NAV2: variants seen among roughly 807,000 people sequenced by gnomAD.
NAV2 encodes the protein helicase, APC down-regulated 1.
In NAV2, 54 loss-of-function variants were observed where a neutral mutation model predicts 223.2. That is an observed-to-expected ratio of 0.24 (90% confidence interval 0.19 to 0.30). The LOEUF (loss-of-function observed/expected upper bound fraction) is 0.30, where lower values mean the gene tolerates loss of function less well. Among genes scored for constraint, NAV2 ranks in the 10% least tolerant of loss-of-function variants. The pLI is 1.00. For synonymous variants in NAV2, 1,279 were observed against 1,239.3 expected (o/e 1.03, Z -0.67); for missense variants, 2,806 against 3,147.5 (o/e 0.89, Z 2.60).
chr11:19,398,417 A>C (rs1381286034), intron 1 of NAV2, among the ~76,000 whole-genome samples: 2 of 152,142 alleles, frequency 1.3e-5, no homozygotes, highest in Non-Finnish European at 2.9e-5. Context: ...TTACATTTCA[A>C]CATGAGATTT....
chr11:19,453,557 A>G (rs1343709420), intron 1 of NAV2, among the ~76,000 whole-genome samples: 1 of 152,192 alleles, frequency 6.6e-6, no homozygotes, highest in Non-Finnish European at 1.5e-5. Context: ...TGGAGCCCCC[A>G]TGGGCTGCCT....
intron 3 of NAV2, among the ~76,000 whole-genome samples, chr11:19,855,449 T>C (rs2061361497): frequency 6.6e-6 from 1 of 152,198 alleles, no homozygotes; most frequent in Non-Finnish European, 1.5e-5. Context: ...CCAGTAATGA[T>C]GAAACTTTGA....
intron 36 of NAV2, among the ~76,000 whole-genome samples, chr11:20,110,302 G>A (rs529303345): frequency 2.6e-5 from 4 of 152,282 alleles, no homozygotes; most frequent in East Asian, 1.9e-4. Flanking sequence ...TTGTGACCTC[G>A]CCATCCTGAT....
chr11:19,580,256 G>A (rs952622340), intron 1 of NAV2, among the ~76,000 whole-genome samples: 3 of 152,100 alleles, frequency 2.0e-5, no homozygotes, highest in African/African-American at 2.4e-5. Flanking sequence ...CTAAAAGATT[G>A]TCCTGTAGCC....
chr11:19,644,798 C>T (rs1185580746), intron 1 of NAV2, among the ~76,000 whole-genome samples: 1 of 152,190 alleles, frequency 6.6e-6, no homozygotes, highest in Non-Finnish European at 1.5e-5. Flanking sequence ...GATAGATGGG[C>T]CAGCAGGCCA....
At chr11:19,930,421 A>G (rs1305827337) in intron 6 of NAV2, among the ~76,000 whole-genome samples, 1 of 152,226 alleles carries the variant, frequency 6.6e-6, no homozygotes, top group Non-Finnish European at 1.5e-5. Flanking sequence ...GACTATGCCT[A>G]AAACTTCTTT....
intron 1 of NAV2, among the ~76,000 whole-genome samples, chr11:19,386,344 T>C (rs1849041689): frequency 6.6e-6 from 1 of 152,222 alleles, no homozygotes; most frequent in Non-Finnish European, 1.5e-5. Context: ...TATGTGATCT[T>C]GGGCACATCC....
chr11:20,106,200 T>C (rs1592179690), intron 35 of NAV2, among the ~76,000 whole-genome samples: 2 of 83,394 alleles, frequency 2.4e-5, no homozygotes, highest in East Asian at 6.1e-4. Flanking sequence ...TATATATATA[T>C]ATATATATAT....
chr11:19,383,272 A>G (rs913826497), intron 1 of NAV2, among the ~76,000 whole-genome samples: 4 of 152,196 alleles, frequency 2.6e-5, no homozygotes, highest in Non-Finnish European at 5.9e-5. Context: ...CACCACTTCC[A>G]GGCTTGGCCC....
intron 11 of NAV2, among the ~76,000 whole-genome samples, chr11:19,984,951 T>C (rs1273142643): frequency 6.6e-6 from 1 of 152,312 alleles, no homozygotes; most frequent in East Asian, 1.9e-4. Flanking sequence ...GTTCTAATGT[T>C]CTATAATTCT....
At chr11:19,618,453 G>A (rs906801374) in intron 1 of NAV2, among the ~76,000 whole-genome samples, 3 of 151,358 alleles carry the variant, frequency 2.0e-5, no homozygotes, top group Non-Finnish European at 4.4e-5. Context: ...TGGGTGGATG[G>A]ATGGATGGGT....
intron 10 of NAV2, among the ~76,000 whole-genome samples, chr11:19,976,510 C>T (rs1271715064): frequency 6.6e-6 from 1 of 152,206 alleles, no homozygotes; most frequent in Non-Finnish European, 1.5e-5. Flanking sequence ...AACTCAGGCC[C>T]ACCTTTTCCT....
chr11:19,936,327 C>T (rs914834762), intron 7 of NAV2, among the ~76,000 whole-genome samples: 4 of 152,196 alleles, frequency 2.6e-5, no homozygotes, highest in African/African-American at 9.7e-5. Flanking sequence ...TGATCACCAT[C>T]AATCCCATTC....
At chr11:19,452,266 A>C (rs993560357) in intron 1 of NAV2, among the ~76,000 whole-genome samples, 5 of 152,218 alleles carry the variant, frequency 3.3e-5, no homozygotes, top group African/African-American at 1.2e-4. Context: ...AAAAATTAAG[A>C]ATCAAATAGT....
Position 20,055,862 on chromosome 11 carries a change from A to G in NAV2, c.4736A>G (p.Tyr1579Cys), listed in dbSNP as rs1280728830. 6 of 1,614,104 alleles carry G rather than the reference A, an allele frequency of 3.7e-6. No individual in the cohort carries two copies. Among genetic ancestry groups the G allele is most frequent in the Non-Finnish European group, 5.1e-6 (6 of 1,180,040 alleles). The change falls in exon 19 of 38, where the codon TAC becomes TGC. Residue 1579 changes from tyrosine (Y) to cysteine (C), a missense_variant. Tyr to Cys is a radical substitution (Grantham distance 194). Around this residue, in one of 4 missense-constraint regions of NAV2, gnomAD observed 742 missense variants for 777.9 expected, o/e 0.95. Coordinates refer to ENST00000349880, the MANE Select transcript of NAV2 (RefSeq NM_145117.5). Reference protein sequence around the residue: ...LSNADGQYDPYTDSRFRNSSM... With the variant: ...LSNADGQYDPCTDSRFRNSSM... ...AATGCTGATGGGCAGTATGATCCATACACTGACAGCCGCTTCCGGAATAGC... is the reference window on the plus strand; with the variant it reads ...AATGCTGATGGGCAGTATGATCCATGCACTGACAGCCGCTTCCGGAATAGC...
intron 27 of NAV2, 115 bp from the exon 28 acceptor site, chr11:20,092,091 C>T: frequency 1.0e-6 from 1 of 962,758 alleles, no homozygotes; most frequent in Non-Finnish European, 1.6e-6. Flanking sequence ...GTGTTGTTCG[C>T]CTTGGGTGGA....
chr11:19,547,835 G>A lies in NAV2; in HGVS notation c.75+196808G>A, dbSNP rs1202960179. Among the ~76,000 whole-genome samples the A allele has an allele frequency of 9.2e-5, 14 of 152,226 alleles. No individual in the cohort carries two copies. The South Asian group carries it at 1.9e-3, about 20-fold the overall frequency. On this transcript the variant is annotated intron_variant, in intron 1 of 37. Transcript: ENST00000360655. ...TCACTTTTACTATAAGAAATGGGCTGGATTTTTAAGATGTTTCTGGGTTCC... is the reference window on the plus strand; with the variant it reads ...TCACTTTTACTATAAGAAATGGGCTAGATTTTTAAGATGTTTCTGGGTTCC...
intron 5 of NAV2, among the ~76,000 whole-genome samples, chr11:19,885,837 A>G (rs2040919114): frequency 6.6e-6 from 1 of 152,234 alleles, no homozygotes; most frequent in African/African-American, 2.4e-5. Flanking sequence ...TCACAAATAC[A>G]TACAAAATAA....
At chr11:19,390,927 C>T (rs191847968) in intron 1 of NAV2, among the ~76,000 whole-genome samples, 3 of 152,264 alleles carry the variant, frequency 2.0e-5, no homozygotes, top group East Asian at 1.9e-4. Flanking sequence ...CTAATTGATC[C>T]TATGAGCTCA....
Sources: allele counts gnomAD v4.1 joint callset (sites outside exome capture counted in the v4.1 genomes callset), GRCh38; gene constraint gnomAD v4.1.1; regional missense constraint gnomAD v4.1.1; transcripts MANE v1.5; gene names NCBI Gene and HGNC (gene_info 2026-07-23, HGNC 2026-07-21).